The following SVOP variants were observed in gnomAD, a reference collection of about 807,000 sequenced individuals.
The protein encoded by SVOP is SV2 related protein.
A neutral mutation model predicts 69.1 loss-of-function variants in SVOP; 17 were observed. The observed-to-expected ratio is 0.25, with a 90% CI of 0.17 to 0.37. The LOEUF is 0.37. Ranked by LOEUF, SVOP falls within the 10% of genes least tolerant of loss-of-function variation. The pLI is 1.00. For missense variants in SVOP, 435 were observed against 597.5 expected (o/e 0.73, Z 2.84); for synonymous variants, 238 against 238.6 (o/e 1.00, Z 0.02).
At chr12:109,001,387 G>A (rs1593205897) in intron 1 of SVOP, among the ~76,000 whole-genome samples, 1 of 151,164 alleles carries the variant, frequency 6.6e-6, no homozygotes, top group South Asian at 2.1e-4. Context: ...TACTGCCCAA[G>A]GTAATTTATA....
intron 1 of SVOP, among the ~76,000 whole-genome samples, chr12:109,009,206 C>T (rs1002066712): frequency 1.3e-5 from 2 of 151,892 alleles, no homozygotes; most frequent in Non-Finnish European, 1.5e-5. Flanking sequence ...AGATAATCAG[C>T]CCGCCTTGGC....
chr12:108,997,330 A>G (rs570932078), intron 1 of SVOP, among the ~76,000 whole-genome samples: 14 of 152,106 alleles, frequency 9.2e-5, no homozygotes, highest in South Asian at 4.2e-4. Context: ...AGTCTCGCTG[A>G]TTGCTAGCAC....
chr12:108,915,817 C>T lies in SVOP; in HGVS notation c.1406G>A (p.Arg469Lys). 1 of 1,608,722 alleles carries T rather than the reference C, an allele frequency of 6.2e-7. No individual in the cohort carries two copies. Among genetic ancestry groups the T allele is most frequent in the Non-Finnish European group, 8.5e-7 (1 of 1,177,912 alleles). The change falls in exon 15 of 16, where the codon AGA (arginine) becomes AAA (lysine). Residue 469 changes from arginine (R) to lysine (K), a missense_variant. Transcript: ENST00000610966. ...GAACGGAGTGATGAGAGCACCCACTCTTGCCATGCCGCTGCAGGTGCCCAG... is the reference window on the plus strand; with the variant it reads ...GAACGGAGTGATGAGAGCACCCACTTTTGCCATGCCGCTGCAGGTGCCCAG... ...LGLGTCSGMA[R>K]VGALITPFIA...
At chr12:108,941,995 C>T (rs150454810) in intron 7 of SVOP, among the ~76,000 whole-genome samples, 245 of 152,280 alleles carry the variant, frequency 1.6e-3, no homozygotes, top group African/African-American at 5.7e-3. Flanking sequence ...CAATAACTCT[C>T]CATTCCCCTC....
chr12:109,014,675 C>G (rs2040358910), intron 1 of SVOP, among the ~76,000 whole-genome samples: 1 of 152,146 alleles, frequency 6.6e-6, no homozygotes, highest in African/African-American at 2.4e-5. Flanking sequence ...GCAAAAGTTC[C>G]AATTTCTCTA....
chr12:108,924,998 GT>G (rs1460073774), intron 11 of SVOP, among the ~76,000 whole-genome samples: 1 of 151,750 alleles, frequency 6.6e-6, no homozygotes, highest in East Asian at 1.9e-4. Context: ...CTGACCTCAA[GT>G]TTTTGAAAAA....
intron 11 of SVOP, among the ~76,000 whole-genome samples, chr12:108,932,537 A>T (rs1020153322): frequency 6.6e-6 from 1 of 152,164 alleles, no homozygotes; most frequent in Admixed American, 6.5e-5. Context: ...AGCAAACTGA[A>T]ATCAGTTAAG....
intron 1 of SVOP, among the ~76,000 whole-genome samples, chr12:109,002,034 G>A (rs2040274417): frequency 7.4e-6 from 1 of 135,812 alleles, no homozygotes; most frequent in Non-Finnish European, 1.6e-5. Context: ...CCTACAAAAT[G>A]GGAGAAAATT....
At chr12:108,914,541 T>C (rs561886540) in intron 15 of SVOP, among the ~76,000 whole-genome samples, 1 of 152,244 alleles carries the variant, frequency 6.6e-6, no homozygotes, top group East Asian at 1.9e-4. Context: ...TGTTTTCCAC[T>C]AAATTTTGTC....
chr12:108,945,024 T>G, intron 7 of SVOP, 79 bp downstream of exon 7: 1 of 1,344,286 alleles, frequency 7.4e-7, no homozygotes, highest in East Asian at 2.5e-5. Flanking sequence ...CCCTTTTCCT[T>G]GACCTGTGGT....
At chr12:108,989,049 A>C (rs1243763949) in intron 1 of SVOP, among the ~76,000 whole-genome samples, 1 of 152,114 alleles carries the variant, frequency 6.6e-6, no homozygotes, top group Non-Finnish European at 1.5e-5. Context: ...CTGGTATTAC[A>C]GGCATGAGCC....
chr12:108,918,634 G>A (rs750898441), intron 13 of SVOP, among the ~76,000 whole-genome samples: 1 of 152,156 alleles, frequency 6.6e-6, no homozygotes, highest in Non-Finnish European at 1.5e-5. Context: ...GGTGTGGTCT[G>A]GGGCCTCTCA....
At chr12:108,937,809 T>G (rs2039865264) in intron 9 of SVOP, among the ~76,000 whole-genome samples, 1 of 152,246 alleles carries the variant, frequency 6.6e-6, no homozygotes. Flanking sequence ...GATTGGCCAA[T>G]TTTACATAAT....
At chr12:108,925,327 G>T (rs951952985) in intron 11 of SVOP, among the ~76,000 whole-genome samples, 1 of 150,770 alleles carries the variant, frequency 6.6e-6, no homozygotes, top group Non-Finnish European at 1.5e-5. Context: ...ACCGTGCCGG[G>T]GGAGGTTCGG....
intron 9 of SVOP, 64 bp downstream of exon 9, chr12:108,938,763 G>A (rs2039870988): frequency 6.2e-7 from 1 of 1,608,678 alleles, no homozygotes; most frequent in Non-Finnish European, 8.5e-7. Context: ...TACTCCATAT[G>A]CACACACTCC....
At chr12:108,967,578 G>A (rs1261002858) in intron 5 of SVOP, among the ~76,000 whole-genome samples, 1 of 152,152 alleles carries the variant, frequency 6.6e-6, no homozygotes, top group African/African-American at 2.4e-5. Context: ...AGAACATGAA[G>A]AGCGGATGCC....
chr12:108,982,879 T>TATC (rs1315936600), intron 2 of SVOP, among the ~76,000 whole-genome samples: 4 of 126,336 alleles, frequency 3.2e-5, no homozygotes, highest in Non-Finnish European at 5.0e-5. Context: ...TCATCATCAC[T>TATC]ATCATCATCA....
intron 6 of SVOP, among the ~76,000 whole-genome samples, chr12:108,947,640 C>T (rs1276775502): frequency 6.6e-6 from 1 of 152,178 alleles, no homozygotes; most frequent in Non-Finnish European, 1.5e-5. Context: ...TGCTTCCACA[C>T]TTTCCTCCTT....
intron 15 of SVOP, among the ~76,000 whole-genome samples, chr12:108,913,281 G>A (rs1232901926): frequency 4.6e-5 from 7 of 151,964 alleles, no homozygotes; most frequent in Non-Finnish European, 7.4e-5. Context: ...GGCTGGTCTC[G>A]AACTCCTGAC....
Sources: gnomAD v4.1 joint callset for allele counts (sites outside exome capture counted in the v4.1 genomes callset) on GRCh38, gnomAD v4.1.1 for gene constraint, MANE v1.5 for transcripts, NCBI Gene and HGNC (gene_info 2026-07-23, HGNC 2026-07-21) for gene names.